AK2: variants seen among roughly 807,000 people sequenced by gnomAD.
AK2 encodes adenylate kinase 2, also known as adenylate kinase 2, mitochondrial.
In AK2, 15 loss-of-function variants were observed where a neutral mutation model predicts 24.6. The observed-to-expected ratio is 0.61, with a 90% confidence interval of 0.41 to 0.94. The LOEUF (loss-of-function observed/expected upper bound fraction) is 0.94, where lower values mean the gene tolerates loss of function less well. Ranked by LOEUF, AK2 falls within the 40% of genes least tolerant of loss-of-function variation. AK2 has a pLI of 0.00. For synonymous variants in AK2, 102 were observed against 114.0 expected (o/e 0.90, Z 0.67); for missense variants, 257 against 304.1 (o/e 0.85, Z 1.15).
intron 4 of AK2, among the ~76,000 whole-genome samples, chr1:33,014,947 T>G (rs1557613928): frequency 6.6e-6 from 1 of 152,194 alleles, no homozygotes; most frequent in African/African-American, 2.4e-5. Context: ...ATTCAAGCCT[T>G]AAGCTGAATT....
intron 1 of AK2, among the ~76,000 whole-genome samples, chr1:33,034,324 T>C (rs553850181): frequency 1.3e-5 from 2 of 152,196 alleles, no homozygotes; most frequent in South Asian, 4.2e-4. Flanking sequence ...GAATAAATCA[T>C]GTCTTACACT....
intron 1 of AK2, among the ~76,000 whole-genome samples, chr1:33,029,815 A>T (rs1202722807): frequency 6.6e-6 from 1 of 152,182 alleles, no homozygotes; most frequent in South Asian, 2.1e-4. Context: ...AGTAGTTGGG[A>T]CTATGGGCGC....
In AK2 at chr1:33,010,944, A is replaced by G; in HGVS notation, c.*2237T>C. 1.7e-5 allele frequency: 27 copies of G among 1,573,742 alleles called. No homozygotes were observed. The highest frequency in any genetic ancestry group is 2.3e-5 in the Non-Finnish European group (27 of 1,158,928). ...CAACCAAATGCATTAAACACTGGAC[A>G]TTTCTGTGACAGGTAAAAGCAGAAC... On this transcript the variant is annotated 3_prime_UTR_variant, in exon 6 of 6. Transcript: ENST00000672715.
chr1:33,030,626 C>T (rs973462603), intron 1 of AK2, among the ~76,000 whole-genome samples: 1 of 152,212 alleles, frequency 6.6e-6, no homozygotes, highest in African/African-American at 2.4e-5. Context: ...TAACTTTGAG[C>T]ATGTGCATCA....
At chr1:33,031,507 C>T (rs1479313051) in intron 1 of AK2, 1 of 442,084 alleles carries the variant, frequency 2.3e-6, no homozygotes, top group African/African-American at 2.0e-5. Context: ...AATTATTACA[C>T]CCTCCTGACA....
intron 1 of AK2, among the ~76,000 whole-genome samples, chr1:33,035,507 T>C (rs1238808085): frequency 1.3e-5 from 2 of 152,192 alleles, no homozygotes. Context: ...TCAGATTCCC[T>C]TTCATTTGGG....
At chr1:33,013,964 CT>C (rs1639014826) in intron 5 of AK2, among the ~76,000 whole-genome samples, 1 of 152,148 alleles carries the variant, frequency 6.6e-6, no homozygotes, top group Non-Finnish European at 1.5e-5. Flanking sequence ...CCTGAATGAC[CT>C]GATGAACTTG....
At position 33,011,540 on chromosome 1, in the gene AK2, G is replaced by T; in HGVS notation, c.*1641C>A. 7.8e-7 allele frequency: 1 copy of T among 1,287,578 alleles called. No homozygotes were observed. The highest frequency in any genetic ancestry group is 1.0e-6 in the Non-Finnish European group (1 of 988,940). The allele number at this position is 1,287,578 out of a possible 1,614,324, so 79.8% of individuals were successfully genotyped here. A position where few individuals can be genotyped will look rare whatever the true frequency, so the allele number is the denominator to read the frequency against. ...TAAGACCTCTGGTAGTCTCACAGAT[G>T]GCAGGAGAGCTCAGGTCAGGAGGCT... On this transcript the variant is annotated 3_prime_UTR_variant, in exon 6 of 6. Transcript: ENST00000672715.
Position 33,011,580 on chromosome 1 carries a change from C to A in AK2, c.*1601G>T. On this transcript the variant is annotated 3_prime_UTR_variant, in exon 6 of 6. Coordinates refer to ENST00000672715, the MANE Select transcript of AK2 (RefSeq NM_001625.4). ...GTCAGGAGGCTGGGCACTTTAGAGT[C>A]CACTGAATCGAGTCAGCAGCAGATT... is the stretch of plus-strand genomic sequence containing the variant. 1.2e-5 allele frequency: 15 copies of A among 1,287,850 alleles called. No individual in the cohort carries two copies. Among genetic ancestry groups the A allele is most frequent in the Non-Finnish European group, 1.5e-5 (15 of 989,158 alleles). The allele number at this position is 1,287,850 out of a possible 1,614,324, so 79.8% of individuals were successfully genotyped here.
At chr1:33,033,521 A>C (rs1451111512) in intron 1 of AK2, among the ~76,000 whole-genome samples, 1 of 152,232 alleles carries the variant, frequency 6.6e-6, no homozygotes. Context: ...TAAATAAATA[A>C]AAGAAACTTA....
chr1:33,021,882 G>C (rs997865164), intron 2 of AK2, among the ~76,000 whole-genome samples, 179 bp from the exon 3 acceptor site: 5 of 152,084 alleles, frequency 3.3e-5, no homozygotes, highest in Non-Finnish European at 7.4e-5. Context: ...GGAAGATCCA[G>C]TTTCATAATT....
intron 1 of AK2, among the ~76,000 whole-genome samples, chr1:33,029,771 T>C (rs1439536503): frequency 6.6e-6 from 1 of 152,186 alleles, no homozygotes; most frequent in Non-Finnish European, 1.5e-5. Context: ...CCCAAACTCC[T>C]GTGCCCAAGC....
Position 33,014,530 on chromosome 1 carries a change from T to C in AK2, c.490A>G (p.Lys164Glu). 6.2e-7 allele frequency: 1 copy of C among 1,612,522 alleles called. No individual in the cohort carries two copies. The highest frequency in any genetic ancestry group is 8.5e-7 in the Non-Finnish European group (1 of 1,178,928). The change falls in exon 5 of 6, where the codon AAA (lysine) becomes GAA (glutamate). Residue 164 changes from lysine to glutamate, a missense_variant. Physicochemically the swap from Lys to Glu is moderately conservative, Grantham distance 56. Transcript: ENST00000672715. ...EEFNPPKEPM[K>E]DDITGEPLIR... is the part of the protein sequence containing the mutation. ...GTCCTGAGTTTACATACGTCATCTT[T>C]CATGGGCTCTTTTGGAGGGTTGAAC... is the stretch of plus-strand genomic sequence containing the variant.
In AK2 at chr1:33,011,454, C is replaced by T. The variant is rs1445814212; in HGVS notation, c.*1727G>A. ...AGAGGCAGCAGACACTCACTTGGAC[C>T]AGGCAAAGAGGGAAGCAAGGTGGCC... is the stretch of plus-strand genomic sequence containing the variant. On this transcript the variant is annotated 3_prime_UTR_variant, in exon 6 of 6. Coordinates refer to ENST00000672715, the MANE Select transcript of AK2 (RefSeq NM_001625.4). 3 of 1,287,338 alleles carry T rather than the reference C, an allele frequency of 2.3e-6. No homozygotes were observed. The South Asian group carries it at 3.7e-5, about 16-fold the overall frequency. 79.7% of individuals were successfully genotyped at this position (1,287,338 alleles called of 1,614,324 possible).
At position 33,009,636 on chromosome 1, in the gene AK2, G is replaced by A. The variant is rs1037555190; in HGVS notation, c.*3545C>T. ...TCCTTTTTCAGCTGAGGAAACAGGA[G>A]CACAGTGAATAACTAACTGGCTGGG... On this transcript the variant is annotated 3_prime_UTR_variant, in exon 6 of 6. Coordinates refer to ENST00000672715, the MANE Select transcript of AK2 (RefSeq NM_001625.4). The A allele has an allele frequency of 6.6e-6, 3 of 453,952 alleles. No individual in the cohort carries two copies. Among genetic ancestry groups the A allele is most frequent in the Non-Finnish European group, 1.3e-5 (3 of 226,796 alleles). The allele number at this position is 453,952 out of a possible 1,614,324, so 28.1% of individuals were successfully genotyped here.
At chr1:33,024,220 C>CTCTA (rs1639729655) in intron 2 of AK2, 2 of 624,390 alleles carry the variant, frequency 3.2e-6, no homozygotes, top group African/African-American at 3.7e-5. Context: ...TTAAAACACC[C>CTCTA]TCTAGCACAT....
chr1:33,021,103 G>A (rs1290380817), intron 4 of AK2, among the ~76,000 whole-genome samples: 3 of 151,736 alleles, frequency 2.0e-5, no homozygotes, highest in African/African-American at 4.8e-5. Flanking sequence ...CCGAGACTGC[G>A]CCACTGCACT....
At chr1:33,021,327 C>T (rs766228551) in intron 4 of AK2, 40 bp downstream of exon 4, 1 of 1,554,474 alleles carries the variant, frequency 6.4e-7, no homozygotes, top group South Asian at 1.1e-5. Flanking sequence ...TTTGAGAAAG[C>T]TCTGAGAAGC....
At position 33,012,786 on chromosome 1, in the gene AK2, G is replaced by T. The variant is rs1431754607; in HGVS notation, c.*395C>A. 2.0e-6 allele frequency: 2 copies of T among 987,556 alleles called. No individual in the cohort carries two copies. The highest frequency in any genetic ancestry group is 3.3e-5 in the African/African-American group (2 of 59,978). 61.2% of individuals were successfully genotyped at this position (987,556 alleles called of 1,614,324 possible). A position where few individuals can be genotyped will look rare whatever the true frequency, so the allele number is the denominator to read the frequency against. On this transcript the variant is annotated 3_prime_UTR_variant, in exon 6 of 6. Transcript: ENST00000672715. ...GTGGCATGCACCTGTAGTCCCAGCT[G>T]CTCAGGAGGCTGAGGTGGGATAATT...
Sources: allele counts gnomAD v4.1 joint callset (sites outside exome capture counted in the v4.1 genomes callset), GRCh38; gene constraint gnomAD v4.1.1; transcripts MANE v1.5; gene names NCBI Gene and HGNC (gene_info 2026-07-23, HGNC 2026-07-21).